Variants in NUBPL observed in about 807,000 individuals in gnomAD.
The protein encoded by NUBPL is iron-sulfur cluster transfer protein NUBPL.
A neutral mutation model predicts 45.7 loss-of-function variants in NUBPL; 31 were observed. The observed-to-expected ratio is 0.68, with a 90% confidence interval of 0.51 to 0.92. The LOEUF is 0.92. Ranked by LOEUF, NUBPL falls within the 40% of genes least tolerant of loss-of-function variation. The pLI is 0.00. For synonymous variants in NUBPL, 144 were observed against 140.9 expected (o/e 1.02, Z -0.15); for missense variants, 401 against 398.7 (o/e 1.01, Z -0.05).
At chr14:31,772,179 C>T (rs975792744) in intron 6 of NUBPL, among the ~76,000 whole-genome samples, 10 of 152,132 alleles carry the variant, frequency 6.6e-5, no homozygotes, top group Admixed American at 1.3e-4. Context: ...GAGTGCTACA[C>T]ATCTAAATAT....
intron 4 of NUBPL, among the ~76,000 whole-genome samples, chr14:31,642,228 T>C (rs796408767): frequency 2.6e-5 from 4 of 152,326 alleles, no homozygotes; most frequent in African/African-American, 9.6e-5. Flanking sequence ...GCCTGTACTT[T>C]TGAGTTCTTA....
At chr14:31,842,028 T>C (rs1044105855) in intron 8 of NUBPL, among the ~76,000 whole-genome samples, 4 of 144,796 alleles carry the variant, frequency 2.8e-5, no homozygotes, top group Non-Finnish European at 4.5e-5. Flanking sequence ...CCTCCCAGGT[T>C]CACGCCATTC....
intron 6 of NUBPL, among the ~76,000 whole-genome samples, chr14:31,676,577 A>G (rs899793384): frequency 4.6e-5 from 7 of 151,882 alleles, no homozygotes; most frequent in African/African-American, 1.4e-4. Context: ...TTGTGTTAAC[A>G]TTTGGTGTTG....
At chr14:31,606,099 C>CTTTTTTTTTTTTTTTT (rs56899102) in intron 4 of NUBPL, among the ~76,000 whole-genome samples, 1 of 120,524 alleles carries the variant, frequency 8.3e-6, no homozygotes. Flanking sequence ...CTTTTCTTTT[C>CTTTTTTTTTTTTTTTT]TTTTTTTTTT....
intron 4 of NUBPL, among the ~76,000 whole-genome samples, chr14:31,627,963 A>G (rs748068282): frequency 2.0e-5 from 3 of 152,144 alleles, no homozygotes; most frequent in Non-Finnish European, 4.4e-5. Context: ...AGTTGAGAAG[A>G]GTGGCATTGT....
At chr14:31,789,813 A>C (rs528558669) in intron 7 of NUBPL, among the ~76,000 whole-genome samples, 74 of 152,132 alleles carry the variant, frequency 4.9e-4, no homozygotes, top group African/African-American at 1.7e-3. Flanking sequence ...ATTGAGTCTG[A>C]GACTTTTTCT....
At chr14:31,656,903 A>G (rs1229307159) in intron 4 of NUBPL, among the ~76,000 whole-genome samples, 4 of 152,278 alleles carry the variant, frequency 2.6e-5, no homozygotes, top group Non-Finnish European at 5.9e-5. Context: ...AATAAGGCAA[A>G]GCAAAATAAA....
intron 6 of NUBPL, among the ~76,000 whole-genome samples, chr14:31,755,109 T>C (rs1169128591): frequency 1.3e-5 from 2 of 152,000 alleles, no homozygotes; most frequent in African/African-American, 2.4e-5. Context: ...TGTTGGACAT[T>C]TGGGTTGGTT....
At chr14:31,726,920 A>G (rs956341262) in intron 6 of NUBPL, among the ~76,000 whole-genome samples, 4 of 152,122 alleles carry the variant, frequency 2.6e-5, no homozygotes, top group Admixed American at 1.3e-4. Flanking sequence ...TTTTAGCAGC[A>G]TCTCTGGCTG....
intron 10 of NUBPL, 53 bp downstream of exon 10, chr14:31,850,254 A>G: frequency 7.3e-7 from 1 of 1,362,764 alleles, no homozygotes; most frequent in Non-Finnish European, 1.0e-6. Context: ...TACTTTTGAA[A>G]TACAGAAAGA....
intron 7 of NUBPL, among the ~76,000 whole-genome samples, chr14:31,792,177 G>A (rs1290009936): frequency 1.3e-5 from 2 of 152,070 alleles, no homozygotes; most frequent in Non-Finnish European, 2.9e-5. Flanking sequence ...TCTGAGTTTA[G>A]CCCTAATCCA....
chr14:31,771,093 A>G (rs1190784572), intron 6 of NUBPL, among the ~76,000 whole-genome samples: 1 of 152,132 alleles, frequency 6.6e-6, no homozygotes, highest in Non-Finnish European at 1.5e-5. Flanking sequence ...ATTTTCTTGT[A>G]TAGATGGTTG....
chr14:31,626,551 A>T (rs758033539), intron 4 of NUBPL, among the ~76,000 whole-genome samples: 4 of 152,216 alleles, frequency 2.6e-5, no homozygotes, highest in Non-Finnish European at 5.9e-5. Flanking sequence ...TGGAAATGGC[A>T]GTAAGTAACC....
At chr14:31,666,257 A>T (rs1453125518) in intron 4 of NUBPL, among the ~76,000 whole-genome samples, 2,219 of 46,570 alleles carry the variant, frequency 0.048, 128 homozygotes, top group African/African-American at 0.23. Context: ...ATATATATAT[A>T]TATATAATTT....
intron 6 of NUBPL, among the ~76,000 whole-genome samples, chr14:31,690,451 A>G (rs898446946): frequency 6.6e-6 from 1 of 152,204 alleles, no homozygotes; most frequent in East Asian, 1.9e-4. Context: ...TGAGTTCGAC[A>G]TGAAAGGTGC....
chr14:31,853,080 G>T (rs371002711), intron 10 of NUBPL, among the ~76,000 whole-genome samples: 47 of 118,344 alleles, frequency 4.0e-4, no homozygotes, highest in East Asian at 6.1e-4. Flanking sequence ...GTGTTGTGTT[G>T]TGTTTTGTTT....
At chr14:31,781,739 C>T (rs138304566) in intron 6 of NUBPL, among the ~76,000 whole-genome samples, 5 of 152,164 alleles carry the variant, frequency 3.3e-5, no homozygotes, top group African/African-American at 4.8e-5. Context: ...CTTATTCACA[C>T]CCCAAGTTTC....
intron 3 of NUBPL, among the ~76,000 whole-genome samples, chr14:31,597,673 T>C (rs956095771): frequency 2.6e-5 from 4 of 152,308 alleles, no homozygotes; most frequent in Non-Finnish European, 5.9e-5. Flanking sequence ...CCAGCATTGA[T>C]ATAAATAAGA....
intron 6 of NUBPL, among the ~76,000 whole-genome samples, chr14:31,781,056 A>G (rs2039183547): frequency 6.6e-6 from 1 of 152,288 alleles, no homozygotes; most frequent in South Asian, 2.1e-4. Context: ...GTAAAATGTC[A>G]AAGTTAATTT....
Sources: gnomAD v4.1 joint callset for allele counts (sites outside exome capture counted in the v4.1 genomes callset) on GRCh38, gnomAD v4.1.1 for gene constraint, MANE v1.5 for transcripts, NCBI Gene and HGNC (gene_info 2026-07-23, HGNC 2026-07-21) for gene names.